ERCC6L2: variants seen among roughly 807,000 people sequenced by gnomAD.
ERCC6L2 encodes the protein ERCC excision repair 6 like 2, also known as DNA excision repair protein ERCC-6-like 2.
ERCC6L2 carries 77 observed loss-of-function variants against 132.0 expected under a neutral mutation model. The ratio of observed to expected loss-of-function variants is 0.58; its 90% CI spans 0.49 to 0.71. The LOEUF (loss-of-function observed/expected upper bound fraction) is 0.71. ERCC6L2 is among the 30% of genes least tolerant of loss of function. ERCC6L2 has a pLI of 0.00. For synonymous variants in ERCC6L2, 583 were observed against 632.4 expected (o/e 0.92, Z 1.17); for missense variants, 1,542 against 1,837.6 (o/e 0.84, Z 2.94).
At chr9:95,933,246 T>C (rs1327436573) in intron 11 of ERCC6L2, among the ~76,000 whole-genome samples, 1 of 152,206 alleles carries the variant, frequency 6.6e-6, no homozygotes, top group African/African-American at 2.4e-5. Flanking sequence ...TCGTTTCTGC[T>C]TTTTTGCTGT....
chr9:95,973,136 T>TAAAA, intron 16 of ERCC6L2, 48 bp downstream of exon 16: 1 of 1,152,458 alleles, frequency 8.7e-7, no homozygotes, highest in Non-Finnish European at 1.1e-6. Context: ...ATTTGTTTTA[T>TAAAA]CAAATAGTTC....
downstream of ERCC6L2, among the ~76,000 whole-genome samples, chr9:96,018,901 C>G (rs1487602689): frequency 6.6e-6 from 1 of 152,138 alleles, no homozygotes; most frequent in Non-Finnish European, 1.5e-5. Context: ...TTTTTTGCTG[C>G]TCTGTCTTGT....
intron 7 of ERCC6L2, among the ~76,000 whole-genome samples, chr9:95,921,776 T>C (rs563623341): frequency 6.6e-6 from 1 of 152,250 alleles, no homozygotes; most frequent in Non-Finnish European, 1.5e-5. Context: ...TTCTAACCTT[T>C]TGTTTATATT....
intron 13 of ERCC6L2, among the ~76,000 whole-genome samples, chr9:95,962,133 A>G (rs936500572): frequency 6.6e-6 from 1 of 152,176 alleles, no homozygotes; most frequent in Non-Finnish European, 1.5e-5. Flanking sequence ...CAAGTGGTTA[A>G]CACATGTGAA....
At chr9:96,019,487 C>T (rs527497754), downstream of ERCC6L2, among the ~76,000 whole-genome samples, 210 of 152,240 alleles carry the variant, frequency 1.4e-3, no homozygotes, top group Admixed American at 2.2e-3. Context: ...GCCCTAGGTT[C>T]CTTCCATGTC....
intron 17 of ERCC6L2, among the ~76,000 whole-genome samples, chr9:95,998,670 C>G (rs1275443624): frequency 6.6e-6 from 1 of 152,222 alleles, no homozygotes; most frequent in African/African-American, 2.4e-5. Flanking sequence ...CAAAGAAATT[C>G]ATTATCCCAG....
chr9:95,952,504 A>G (rs1831384994), intron 12 of ERCC6L2, among the ~76,000 whole-genome samples: 2 of 152,182 alleles, frequency 1.3e-5, no homozygotes. Context: ...ACACATAATC[A>G]TTTCATTGAT....
intron 1 of ERCC6L2, 188 bp downstream of exon 1, chr9:95,876,272 G>C (rs1338580252): frequency 4.7e-5 from 25 of 535,550 alleles, no homozygotes; most frequent in Middle Eastern, 2.8e-4. Context: ...GGACTCGGGA[G>C]TCAGCCCCTG....
chr9:95,960,282 A>G (rs568742674), intron 13 of ERCC6L2, among the ~76,000 whole-genome samples: 1 of 152,260 alleles, frequency 6.6e-6, no homozygotes, highest in East Asian at 1.9e-4. Flanking sequence ...CCCAGCCAAA[A>G]ATAATTACCC....
chr9:96,037,639 T>C (rs1373373482), intron 19 of ERCC6L2, among the ~76,000 whole-genome samples: 2 of 152,004 alleles, frequency 1.3e-5, no homozygotes, highest in Non-Finnish European at 1.5e-5. Context: ...TCAAGTGATG[T>C]CCAAGTGGGA....
chr9:95,876,049 C>A lies in ERCC6L2; in HGVS notation c.11C>A (p.Ser4Ter). 6.3e-7 allele frequency: 1 copy of A among 1,588,298 alleles called. No homozygotes were observed. The highest frequency in any genetic ancestry group is 8.6e-7 in the Non-Finnish European group (1 of 1,168,170). The change falls in exon 1 of 19, where the codon TCG becomes TAG. Residue 4 changes from serine (S) to a stop codon, truncating the protein, a stop_gained. Transcript: ENST00000653738. LOFTEE classifies it high-confidence loss of function. The part of the protein sequence containing the change: MDP[S>*]APQPRAETSG... ...CCTCCCCCTGGCCGGATGGATCCGTCGGCGCCACAGCCCCGCGCGGAAACC... is the reference window on the plus strand; with the variant it reads ...CCTCCCCCTGGCCGGATGGATCCGTAGGCGCCACAGCCCCGCGCGGAAACC...
intron 3 of ERCC6L2, among the ~76,000 whole-genome samples, chr9:95,900,887 A>G (rs1254247437): frequency 3.3e-5 from 5 of 152,112 alleles, no homozygotes; most frequent in Non-Finnish European, 7.4e-5. Flanking sequence ...CTTTGTGTTC[A>G]TACCAACTTT....
At chr9:96,002,009 C>T (rs1833700730) in intron 17 of ERCC6L2, among the ~76,000 whole-genome samples, 2 of 152,256 alleles carry the variant, frequency 1.3e-5, no homozygotes, top group African/African-American at 4.8e-5. Flanking sequence ...GCTGGCTGCT[C>T]CGAGTGCGGG....
intron 1 of ERCC6L2, 126 bp downstream of exon 1, chr9:95,876,210 T>A (rs948064977): frequency 2.4e-6 from 2 of 829,452 alleles, no homozygotes; most frequent in Non-Finnish European, 3.8e-6. Context: ...AGCTGCAGAT[T>A]GTGAACCCCT....
intron 19 of ERCC6L2, among the ~76,000 whole-genome samples, chr9:96,035,113 A>G (rs1203068506): frequency 6.6e-6 from 1 of 152,140 alleles, no homozygotes; most frequent in Non-Finnish European, 1.5e-5. Context: ...CTGCCTGTCC[A>G]ATCCCACTGC....
At chr9:95,996,204 A>T (rs1833466457) in intron 17 of ERCC6L2, among the ~76,000 whole-genome samples, 1 of 152,260 alleles carries the variant, frequency 6.6e-6, no homozygotes, top group Non-Finnish European at 1.5e-5. Flanking sequence ...AGAAAGTTGT[A>T]GTGGTCTGGA....
At chr9:96,029,316 A>AC (rs1029770461) in intron 19 of ERCC6L2, among the ~76,000 whole-genome samples, 7 of 150,584 alleles carry the variant, frequency 4.6e-5, no homozygotes, top group Admixed American at 6.6e-5. Flanking sequence ...AAAAAAAAAA[A>AC]AAAAAAACAA....
chr9:95,953,929 A>T (rs770992506), intron 12 of ERCC6L2, among the ~76,000 whole-genome samples: 1 of 152,210 alleles, frequency 6.6e-6, no homozygotes, highest in Non-Finnish European at 1.5e-5. Context: ...GTACAATTTT[A>T]TTCAAGTACA....
chr9:95,903,156 G>A (rs1348185800), intron 3 of ERCC6L2, among the ~76,000 whole-genome samples: 1 of 151,896 alleles, frequency 6.6e-6, no homozygotes, highest in African/African-American at 2.4e-5. Context: ...TAGGTGTCTA[G>A]TAATCCAATT....
Sources: allele counts gnomAD v4.1 joint callset (sites outside exome capture counted in the v4.1 genomes callset), GRCh38; gene constraint gnomAD v4.1.1; transcripts MANE v1.5; gene names NCBI Gene and HGNC (gene_info 2026-07-23, HGNC 2026-07-21).